The following DNTTIP1 variants were observed in gnomAD, a reference collection of about 807,000 sequenced individuals.
The protein encoded by DNTTIP1 is deoxynucleotidyltransferase terminal interacting protein 1, also known as deoxynucleotidyltransferase terminal-interacting protein 1.
Under a neutral mutation model 52.9 loss-of-function variants are expected in DNTTIP1, and 22 were observed. That is an observed-to-expected ratio of 0.42 (90% CI 0.30 to 0.59). DNTTIP1 has a LOEUF of 0.59. Among genes scored for constraint, DNTTIP1 ranks in the 20% least tolerant of loss-of-function variants. The pLI is 0.22. For synonymous variants in DNTTIP1, 136 were observed against 155.1 expected (o/e 0.88, Z 0.92); for missense variants, 286 against 435.5 (o/e 0.66, Z 3.06).
intron 4 of DNTTIP1, among the ~76,000 whole-genome samples, chr20:45,800,690 AAAAAATATATATATATATAT>A (rs1981410585): frequency 3.8e-5 from 2 of 52,358 alleles, no homozygotes; most frequent in African/African-American, 1.8e-4. Flanking sequence ...AAAAAAAAAA[AAAAAATATATATATATATAT>A]ATATATATAT....
At position 45,792,073 on chromosome 20, in the gene DNTTIP1, G is replaced by A; in HGVS notation, c.69G>A (p.Leu23=). The part of the protein sequence containing the change: ...PSGAERGGLE[L]GDAGAAGQLV... ...GGGCCGAGAGGGGCGGCTTGGAGCT[G>A]GGGGATGCGGGCGCAGCGGGGCAGC... Residue 23 remains leucine, a synonymous_variant, in exon 1 of 13, where the codon CTG becomes CTA. Coordinates refer to ENST00000372622, the MANE Select transcript of DNTTIP1 (RefSeq NM_052951.3). The A allele has an allele frequency of 7.8e-7, 1 of 1,285,958 alleles. No individual in the cohort carries two copies. The highest frequency in any genetic ancestry group is 9.9e-7 in the Non-Finnish European group (1 of 1,015,214). The allele number at this position is 1,285,958 out of a possible 1,614,324, so 79.7% of individuals were successfully genotyped here.
At position 45,809,965 on chromosome 20, in the gene DNTTIP1, A is replaced by T. The variant is rs147688959; in HGVS notation, c.795+780A>T. ...AAAATGCAACATTACATAAATAAGA[A>T]ATAGATGGTAGGGGGTGGGGGCAGG... is the stretch of plus-strand genomic sequence containing the variant. On this transcript the variant is annotated intron_variant, in intron 11 of 12. Transcript: ENST00000372622. The surrounding 1 kb of genome is among the most constrained non-coding windows in gnomAD (Gnocchi z 4.2). Among the ~76,000 whole-genome samples the T allele has an allele frequency of 6.6e-6, 1 of 152,318 alleles. No individual in the cohort carries two copies. The highest frequency in any genetic ancestry group is 1.5e-5 in the Non-Finnish European group (1 of 68,032).
intron 6 of DNTTIP1, 122 bp downstream of exon 6, chr20:45,801,580 G>A: frequency 1.0e-6 from 1 of 997,598 alleles, no homozygotes; most frequent in Non-Finnish European, 1.5e-6. Context: ...TTGAGCTCAG[G>A]AGTTTTGAGA....
intron 4 of DNTTIP1, among the ~76,000 whole-genome samples, chr20:45,799,178 T>G (rs1422100511): frequency 6.6e-6 from 1 of 152,204 alleles, no homozygotes; most frequent in Non-Finnish European, 1.5e-5. Flanking sequence ...TTATAGATGT[T>G]AATTGAAGCT....
At chr20:45,806,687 C>A (rs1981661017) in intron 10 of DNTTIP1, among the ~76,000 whole-genome samples, 3 of 152,248 alleles carry the variant, frequency 2.0e-5, no homozygotes. Flanking sequence ...TTTTCAAGTT[C>A]TTTGAAAGGC....
rs1427109138 is a variant in DNTTIP1 at position 45,792,106 on chromosome 20, T to TA, written c.103dup (p.Thr35AsnfsTer92). On this transcript the variant is annotated frameshift_variant, in exon 1 of 13. Transcript: ENST00000372622. LOFTEE classifies it high-confidence loss of function. ...CGGGCGCAGCGGGGCAGCTGGTTCT[T>TA]ACGGTGAGGGCGCCCCCGGTGAGGT... 6 of 1,281,392 alleles carry TA rather than the reference T, an allele frequency of 4.7e-6. No homozygotes were observed. The highest frequency in any genetic ancestry group is 1.5e-5 in the African/African-American group (1 of 66,052). 79.4% of individuals were successfully genotyped at this position (1,281,392 alleles called of 1,614,324 possible).
chr20:45,794,366 C>T (rs534072778), intron 3 of DNTTIP1, among the ~76,000 whole-genome samples: 6 of 152,038 alleles, frequency 3.9e-5, no homozygotes, highest in African/African-American at 1.4e-4. Context: ...AGGCTGGTCT[C>T]GAACTCCTGA....
chr20:45,805,427 C>T, intron 10 of DNTTIP1, 61 bp downstream of exon 10: 1 of 1,557,444 alleles, frequency 6.4e-7, no homozygotes, highest in South Asian at 1.2e-5. Flanking sequence ...GAACTCCACT[C>T]AGCACAGAGA....
chr20:45,793,226 C>G (rs186256890), intron 2 of DNTTIP1, among the ~76,000 whole-genome samples: 2 of 152,224 alleles, frequency 1.3e-5, no homozygotes, highest in Non-Finnish European at 2.9e-5. Flanking sequence ...TATAATTACT[C>G]ATTAAAGTGT....
At chr20:45,807,145 C>T (rs1025815061) in intron 10 of DNTTIP1, among the ~76,000 whole-genome samples, 2 of 150,866 alleles carry the variant, frequency 1.3e-5, no homozygotes, top group East Asian at 1.9e-4. Context: ...TTTTCTGAGA[C>T]GGAGTCTTGC....
chr20:45,799,777 A>C (rs1046453013), intron 4 of DNTTIP1, among the ~76,000 whole-genome samples: 1 of 152,020 alleles, frequency 6.6e-6, no homozygotes, highest in African/African-American at 2.4e-5. Flanking sequence ...TGCTGTGTCC[A>C]CAGCACTTAG....
chr20:45,793,064 G>A (rs1380944768), intron 2 of DNTTIP1, among the ~76,000 whole-genome samples: 1 of 152,182 alleles, frequency 6.6e-6, no homozygotes, highest in Non-Finnish European at 1.5e-5. Flanking sequence ...AAGAGAACAG[G>A]CTCTGGAGTC....
chr20:45,805,706 A>G (rs1390630406), intron 10 of DNTTIP1, among the ~76,000 whole-genome samples: 1 of 152,226 alleles, frequency 6.6e-6, no homozygotes, highest in Non-Finnish European at 1.5e-5. Context: ...TTATTCAGCT[A>G]GAAATGGTGA....
At position 45,805,184 on chromosome 20, in the gene DNTTIP1, G is replaced by A. The variant is rs778512315; in HGVS notation, c.642G>A (p.Val214=). ...GCCTGAATGAATCTACCACCTTTGT[G>A]TTGGGATCTCGAGCCAACAAGTAAG... is the stretch of plus-strand genomic sequence containing the variant. The part of the protein sequence containing the change: ...PARLNESTTF[V]LGSRANKALG... Residue 214 remains valine, a synonymous_variant, in exon 9 of 13, where the codon GTG becomes GTA. Coordinates refer to ENST00000372622, the MANE Select transcript of DNTTIP1 (RefSeq NM_052951.3). 3 of 1,614,196 alleles carry A rather than the reference G, an allele frequency of 1.9e-6. No individual in the cohort carries two copies. The highest frequency in any genetic ancestry group is 2.2e-5 in the South Asian group (2 of 91,092).
intron 3 of DNTTIP1, among the ~76,000 whole-genome samples, 173 bp from the exon 4 acceptor site, chr20:45,795,172 G>A (rs927212247): frequency 6.6e-6 from 1 of 152,194 alleles, no homozygotes. Flanking sequence ...GGAATAAAGG[G>A]AGGAGGTCAA....
chr20:45,809,917 T>C lies in DNTTIP1; in HGVS notation c.795+732T>C, dbSNP rs746073204. On this transcript the variant is annotated intron_variant, in intron 11 of 12. Transcript: ENST00000372622. This position sits in a 1 kb window ranked among gnomAD's most constrained non-coding sequence, Gnocchi z 4.2. ...TGCCTATGCTTTACTTCAAAAAAGA[T>C]TTCAGGTAAGCTTCATGCACATAAA... is the stretch of plus-strand genomic sequence containing the variant. Among the ~76,000 whole-genome samples, 116 of 152,236 alleles carry C rather than the reference T, an allele frequency of 7.6e-4. 1 individual carries two copies. In the Middle Eastern group the frequency reaches 0.014, roughly 18 times the overall value.
At chr20:45,808,408 A>G (rs1981718542) in intron 10 of DNTTIP1, among the ~76,000 whole-genome samples, 1 of 152,012 alleles carries the variant, frequency 6.6e-6, no homozygotes, top group African/African-American at 2.4e-5. Context: ...TGGGAGCCCG[A>G]GGTGGGCAGA....
intron 4 of DNTTIP1, among the ~76,000 whole-genome samples, chr20:45,800,471 C>T (rs573093186): frequency 3.1e-4 from 47 of 151,242 alleles, no homozygotes; most frequent in African/African-American, 1.1e-3. Flanking sequence ...GTTAAGAGTT[C>T]GAGACCAGCC....
chr20:45,811,019 T>G, intron 12 of DNTTIP1, 38 bp from the exon 13 acceptor site: 1 of 1,613,158 alleles, frequency 6.2e-7, no homozygotes, highest in South Asian at 1.1e-5. Context: ...GCCTACATCC[T>G]CACTTCCCCC....
Sources: allele counts gnomAD v4.1 joint callset (sites outside exome capture counted in the v4.1 genomes callset), GRCh38; gene constraint gnomAD v4.1.1; non-coding constraint Gnocchi (gnomAD v3.1); transcripts MANE v1.5; gene names NCBI Gene and HGNC (gene_info 2026-07-23, HGNC 2026-07-21).